COL24A1: variants seen among roughly 807,000 people sequenced by gnomAD.
The protein encoded by COL24A1 is collagen alpha-1(XXIV) chain.
In COL24A1, 224 loss-of-function variants were observed where a neutral mutation model predicts 253.9. The ratio of observed to expected loss-of-function variants is 0.88; its 90% CI spans 0.79 to 0.99. COL24A1 has a LOEUF of 0.99. Among genes scored for constraint, COL24A1 ranks in the 50% least tolerant of loss-of-function variants. The probability of loss-of-function intolerance (pLI) is 0.00; values close to 1 mark genes in which losing one functional copy is unlikely to be tolerated. For missense variants in COL24A1, 2,131 were observed against 2,068.5 expected (o/e 1.03, Z -0.59); for synonymous variants, 685 against 673.7 (o/e 1.02, Z -0.26).
At chr1:86,027,787 A>G (rs1164222533) in intron 14 of COL24A1, among the ~76,000 whole-genome samples, 1 of 152,206 alleles carries the variant, frequency 6.6e-6, no homozygotes, top group Non-Finnish European at 1.5e-5. Context: ...CCAGAATGGT[A>G]GATCCACGAA....
chr1:86,063,357 C>CTGTG (rs201355392), intron 8 of COL24A1, among the ~76,000 whole-genome samples: 18,411 of 138,638 alleles, frequency 0.13, 1,210 homozygotes, highest in Middle Eastern at 0.25. Flanking sequence ...AAGTCTCTCT[C>CTGTG]TCTGTGTGTG....
At chr1:85,748,775 C>CA (rs1665590643) in intron 55 of COL24A1, among the ~76,000 whole-genome samples, 1 of 116,754 alleles carries the variant, frequency 8.6e-6, no homozygotes, top group Non-Finnish European at 1.8e-5. Flanking sequence ...GGGTGACGGA[C>CA]GCACCTGGAA....
intron 18 of COL24A1, among the ~76,000 whole-genome samples, chr1:86,018,254 C>T (rs983059213): frequency 1.3e-5 from 2 of 152,176 alleles, no homozygotes; most frequent in African/African-American, 4.8e-5. Flanking sequence ...TTCCAATATG[C>T]ACTTAATTCA....
At chr1:86,115,296 C>T (rs1457065531) in intron 4 of COL24A1, 29 bp downstream of exon 4, 2 of 1,608,786 alleles carry the variant, frequency 1.2e-6, no homozygotes, top group Non-Finnish European at 1.7e-6. Flanking sequence ...ATTCTCACTG[C>T]CAGCAGGAAA....
intron 37 of COL24A1, 102 bp from the exon 38 acceptor site, chr1:85,849,508 G>T: frequency 2.2e-6 from 2 of 907,322 alleles, no homozygotes; most frequent in Non-Finnish European, 3.5e-6. Context: ...GATTGGACGA[G>T]AAGTAAAAAT....
chr1:86,042,499 C>T (rs1014681159), intron 12 of COL24A1, among the ~76,000 whole-genome samples: 1 of 152,016 alleles, frequency 6.6e-6, no homozygotes, highest in African/African-American at 2.4e-5. Flanking sequence ...TAAATTTGAA[C>T]ATACCATTAT....
chr1:86,141,311 G>C (rs1356560144), intron 2 of COL24A1, among the ~76,000 whole-genome samples: 1 of 152,138 alleles, frequency 6.6e-6, no homozygotes, highest in Non-Finnish European at 1.5e-5. Flanking sequence ...GGATATGTGA[G>C]GGTGGAGGAT....
At chr1:85,979,039 C>T (rs139763328) in intron 20 of COL24A1, among the ~76,000 whole-genome samples, 2,679 of 152,202 alleles carry the variant, frequency 0.018, 80 homozygotes, top group African/African-American at 0.062. Flanking sequence ...AAAAGGAACC[C>T]TCAAAACCAT....
chr1:85,835,665 T>A (rs1675916453), intron 43 of COL24A1, among the ~76,000 whole-genome samples: 1 of 152,190 alleles, frequency 6.6e-6, no homozygotes, highest in South Asian at 2.1e-4. Context: ...AAAGGCTACA[T>A]GTATAATTCT....
At chr1:85,834,146 CA>C (rs1675717736) in intron 43 of COL24A1, among the ~76,000 whole-genome samples, 1 of 151,118 alleles carries the variant, frequency 6.6e-6, no homozygotes, top group South Asian at 2.1e-4. Context: ...AAAGTAAATA[CA>C]AAAAAATGGT....
At chr1:86,049,194 T>C (rs1264014708) in intron 11 of COL24A1, among the ~76,000 whole-genome samples, 1 of 152,210 alleles carries the variant, frequency 6.6e-6, no homozygotes, top group Non-Finnish European at 1.5e-5. Flanking sequence ...GGGAAAATCT[T>C]TACCTCATCT....
intron 57 of COL24A1, among the ~76,000 whole-genome samples, chr1:85,743,744 C>T (rs1482739960): frequency 6.6e-6 from 1 of 152,122 alleles, no homozygotes; most frequent in Non-Finnish European, 1.5e-5. Flanking sequence ...TTATTATAGG[C>T]AACTACAATT....
chr1:86,047,510 C>G (rs1397485922), intron 11 of COL24A1, among the ~76,000 whole-genome samples: 1 of 152,128 alleles, frequency 6.6e-6, no homozygotes, highest in Non-Finnish European at 1.5e-5. Context: ...AATACTTCCT[C>G]TGTGTGTGCC....
chr1:86,079,835 T>A (rs1481654702), intron 7 of COL24A1, among the ~76,000 whole-genome samples: 1 of 152,156 alleles, frequency 6.6e-6, no homozygotes, highest in African/African-American at 2.4e-5. Context: ...GGTAAATTAG[T>A]ACAACCATTA....
chr1:85,922,542 A>G (rs1239681323), intron 24 of COL24A1, among the ~76,000 whole-genome samples: 3 of 152,236 alleles, frequency 2.0e-5, no homozygotes, highest in Non-Finnish European at 4.4e-5. Context: ...AGAATTTTCA[A>G]TCCAGAATTT....
At chr1:85,730,744 T>A (rs1438053349) in intron 59 of COL24A1, 52 bp from the exon 60 acceptor site, 1 of 1,579,076 alleles carries the variant, frequency 6.3e-7, no homozygotes, top group African/African-American at 1.4e-5. Context: ...GCAGTCACTT[T>A]CAGTAGACAA....
chr1:86,089,118 A>T, intron 7 of COL24A1, 56 bp downstream of exon 7: 2 of 1,419,040 alleles, frequency 1.4e-6, no homozygotes, highest in Non-Finnish European at 1.9e-6. Flanking sequence ...CTGAAGAAAA[A>T]GACAAAAAAA....
intron 44 of COL24A1, 42 bp downstream of exon 44, chr1:85,823,643 A>G: frequency 6.2e-7 from 1 of 1,613,032 alleles, no homozygotes; most frequent in Non-Finnish European, 8.5e-7. Context: ...CAAATAAGTT[A>G]TATTAATGTT....
chr1:85,777,710 T>C (rs113772247), intron 52 of COL24A1, among the ~76,000 whole-genome samples: 13 of 152,188 alleles, frequency 8.5e-5, no homozygotes, highest in Non-Finnish European at 1.6e-4. Context: ...TGTTAAAGAA[T>C]ATGTACCTAT....
Sources: gnomAD v4.1 joint callset for allele counts (sites outside exome capture counted in the v4.1 genomes callset) on GRCh38, gnomAD v4.1.1 for gene constraint, MANE v1.5 for transcripts, NCBI Gene and HGNC (gene_info 2026-07-23, HGNC 2026-07-21) for gene names.